The following ADAMTSL3 variants were observed in gnomAD, a reference collection of about 807,000 sequenced individuals.
The protein encoded by ADAMTSL3 is ADAMTS like 3, also known as ADAMTS-like protein 3.
A neutral mutation model predicts 201.7 loss-of-function variants in ADAMTSL3; 128 were observed. The ratio of observed to expected loss-of-function variants is 0.63; its 90% CI spans 0.55 to 0.73. The LOEUF is 0.73. ADAMTSL3 is among the 30% of genes least tolerant of loss of function. The probability of loss-of-function intolerance (pLI) is 0.00; values close to 1 mark genes in which losing one functional copy is unlikely to be tolerated. For synonymous variants in ADAMTSL3, 738 were observed against 748.4 expected (o/e 0.99, Z 0.23); for missense variants, 1,990 against 2,119.6 (o/e 0.94, Z 1.20).
At chr15:83,715,457 A>G (rs1005710078) in intron 3 of ADAMTSL3, among the ~76,000 whole-genome samples, 1 of 152,188 alleles carries the variant, frequency 6.6e-6, no homozygotes, top group Admixed American at 6.5e-5. Context: ...CTGATTGGGT[A>G]CTTTCTCCAA....
At chr15:83,691,413 A>G (rs2061605897) in intron 2 of ADAMTSL3, among the ~76,000 whole-genome samples, 1 of 152,188 alleles carries the variant, frequency 6.6e-6, no homozygotes, top group African/African-American at 2.4e-5. Context: ...CCATATGGTC[A>G]CTTTCTTGCA....
At chr15:83,778,594 C>T (rs1350231646) in intron 4 of ADAMTSL3, among the ~76,000 whole-genome samples, 1 of 152,150 alleles carries the variant, frequency 6.6e-6, no homozygotes, top group African/African-American at 2.4e-5. Flanking sequence ...ATCAGATCTG[C>T]CTTATAAGAG....
At chr15:83,977,597 A>C (rs1017552761) in intron 20 of ADAMTSL3, among the ~76,000 whole-genome samples, 1 of 152,212 alleles carries the variant, frequency 6.6e-6, no homozygotes, top group East Asian at 1.9e-4. Flanking sequence ...CAGAAAAAAA[A>C]AGGTAAAAAA....
At chr15:83,795,412 G>A (rs1475407873) in intron 4 of ADAMTSL3, among the ~76,000 whole-genome samples, 2 of 152,086 alleles carry the variant, frequency 1.3e-5, no homozygotes, top group Non-Finnish European at 2.9e-5. Flanking sequence ...GATGGAGATG[G>A]GATTTGATCA....
chr15:84,028,519 A>T (rs1003679998), intron 27 of ADAMTSL3, among the ~76,000 whole-genome samples: 8 of 152,166 alleles, frequency 5.3e-5, no homozygotes, highest in Admixed American at 1.3e-4. Flanking sequence ...AAATTTTAAA[A>T]TTTTTTTCCT....
intron 17 of ADAMTSL3, among the ~76,000 whole-genome samples, chr15:83,927,403 C>T (rs529549918): frequency 2.6e-5 from 4 of 152,188 alleles, no homozygotes; most frequent in Admixed American, 6.5e-5. Flanking sequence ...CGTGAGCCAC[C>T]GCACCTGGCC....
At chr15:83,676,186 TG>T (rs2061402550) in intron 2 of ADAMTSL3, among the ~76,000 whole-genome samples, 1 of 152,190 alleles carries the variant, frequency 6.6e-6, no homozygotes, top group African/African-American at 2.4e-5. Flanking sequence ...ATTAGATTAT[TG>T]ATTTGAGATC....
chr15:83,735,546 C>A (rs917339604), intron 3 of ADAMTSL3, among the ~76,000 whole-genome samples: 1 of 148,914 alleles, frequency 6.7e-6, no homozygotes, highest in Non-Finnish European at 1.5e-5. Flanking sequence ...GAAGCTTCTC[C>A]CATGAAGAAT....
At chr15:83,789,569 C>T (rs1489156659) in intron 4 of ADAMTSL3, among the ~76,000 whole-genome samples, 1 of 152,044 alleles carries the variant, frequency 6.6e-6, no homozygotes, top group African/African-American at 2.4e-5. Flanking sequence ...CATCTCATTG[C>T]CTGATGATGT....
chr15:83,727,185 A>T (rs968778213), intron 3 of ADAMTSL3, among the ~76,000 whole-genome samples: 1 of 151,608 alleles, frequency 6.6e-6, no homozygotes, highest in Non-Finnish European at 1.5e-5. Context: ...ATTGGCATAT[A>T]GTTGCTCGTA....
chr15:84,018,853 G>T (rs542496756), intron 25 of ADAMTSL3, among the ~76,000 whole-genome samples: 209 of 152,154 alleles, frequency 1.4e-3, no homozygotes, highest in African/African-American at 4.0e-3. Flanking sequence ...ATGCATTTGT[G>T]TCAAAAAGCA....
intron 15 of ADAMTSL3, among the ~76,000 whole-genome samples, chr15:83,912,492 G>A (rs531788244): frequency 3.8e-4 from 58 of 152,194 alleles, no homozygotes; most frequent in Middle Eastern, 3.4e-3. Context: ...TAATAATCCG[G>A]AATAAGAATT....
At chr15:83,723,813 T>C (rs1293835587) in intron 3 of ADAMTSL3, among the ~76,000 whole-genome samples, 7 of 152,266 alleles carry the variant, frequency 4.6e-5, no homozygotes, top group African/African-American at 1.7e-4. Flanking sequence ...TTTAAATGTA[T>C]TCTCCAGGCT....
chr15:83,798,822 A>C (rs1223901698), intron 4 of ADAMTSL3, among the ~76,000 whole-genome samples: 3 of 148,978 alleles, frequency 2.0e-5, no homozygotes, highest in Admixed American at 6.7e-5. Context: ...AAAAAAAAAA[A>C]AACAAAAAAA....
Position 83,858,795 on chromosome 15 carries a change from G to C in ADAMTSL3, c.757G>C (p.Gly253Arg). Reference protein sequence around the residue: ...REENVIAVPLGSRSVRITVKG... With the variant: ...REENVIAVPLRSRSVRITVKG... ...AGAAAATGTAATTGCTGTTCCTTTG[G>C]GAAGTCGAAGTGTGAGAATTACAGT... Residue 253 changes from glycine (G) to arginine (R), a missense_variant, in exon 8 of 30, where the codon GGA becomes CGA. By Grantham distance (125) the Gly-to-Arg change is moderately radical. Transcript: ENST00000286744. 1.2e-6 allele frequency: 2 copies of C among 1,613,664 alleles called. No individual in the cohort carries two copies. The highest frequency in any genetic ancestry group is 2.2e-5 in the East Asian group (1 of 44,852).
At chr15:83,761,927 T>C (rs893028363) in intron 3 of ADAMTSL3, among the ~76,000 whole-genome samples, 4 of 152,188 alleles carry the variant, frequency 2.6e-5, no homozygotes, top group African/African-American at 9.7e-5. Flanking sequence ...CTAGATATTG[T>C]CAGGCATGAT....
intron 6 of ADAMTSL3, among the ~76,000 whole-genome samples, chr15:83,828,173 C>T (rs1386841052): frequency 6.6e-6 from 1 of 152,102 alleles, no homozygotes; most frequent in East Asian, 1.9e-4. Flanking sequence ...GGAATGTTCT[C>T]CCATTTGTTG....
At chr15:83,886,834 A>T (rs768006305) in intron 10 of ADAMTSL3, among the ~76,000 whole-genome samples, 69 of 152,194 alleles carry the variant, frequency 4.5e-4, no homozygotes, top group Non-Finnish European at 2.8e-4. Context: ...CTCCCCCTAA[A>T]ACAACAGGGC....
At chr15:83,991,264 G>A (rs927354112) in intron 23 of ADAMTSL3, 50 bp downstream of exon 23, 1 of 1,610,794 alleles carries the variant, frequency 6.2e-7, no homozygotes. Context: ...AGGTAAGTGT[G>A]GCCATCCCAG....
Sources: allele counts gnomAD v4.1 joint callset (sites outside exome capture counted in the v4.1 genomes callset), GRCh38; gene constraint gnomAD v4.1.1; transcripts MANE v1.5; gene names NCBI Gene and HGNC (gene_info 2026-07-23, HGNC 2026-07-21).